CPPED1: variants seen among roughly 807,000 people sequenced by gnomAD.
CPPED1 encodes calcineurin like phosphoesterase domain containing 1.
In CPPED1, 28 loss-of-function variants were observed where a neutral mutation model predicts 28.0. The observed-to-expected ratio is 1.00, with a 90% CI of 0.74 to 1.37. The LOEUF is 1.37. CPPED1 is among the 40% of genes most tolerant of loss of function. The pLI, the probability that CPPED1 is intolerant of heterozygous loss-of-function variation, is 0.00. For synonymous variants in CPPED1, 198 were observed against 180.2 expected (o/e 1.10, Z -0.79); for missense variants, 504 against 416.5 (o/e 1.21, Z -1.83).
At chr16:12,717,332 C>T (rs935770770) in intron 2 of CPPED1, among the ~76,000 whole-genome samples, 4 of 152,200 alleles carry the variant, frequency 2.6e-5, no homozygotes, top group East Asian at 1.9e-4. Flanking sequence ...GGCGCCATCT[C>T]GGCTCACTGC....
At chr16:12,680,708 G>C (rs1014348286) in intron 3 of CPPED1, among the ~76,000 whole-genome samples, 41 of 152,250 alleles carry the variant, frequency 2.7e-4, no homozygotes, top group African/African-American at 9.9e-4. Context: ...GTTACGGAGT[G>C]CCTAAGCCAA....
chr16:12,778,277 C>CTTTTTTTTTTTT (rs371883790), intron 2 of CPPED1, among the ~76,000 whole-genome samples: 2 of 116,162 alleles, frequency 1.7e-5, no homozygotes, highest in Admixed American at 9.2e-5. Context: ...TTCTTTCTTT[C>CTTTTTTTTTTTT]TTTTTTTTTT....
At chr16:12,740,704 T>C (rs908245058) in intron 2 of CPPED1, among the ~76,000 whole-genome samples, 1 of 152,020 alleles carries the variant, frequency 6.6e-6, no homozygotes, top group Admixed American at 6.6e-5. Flanking sequence ...CTTTCCTCAG[T>C]GGGTGATGAG....
rs543779229 is a variant in CPPED1 at position 12,763,444 on chromosome 16, T to C, written c.289+17741A>G. Among the ~76,000 whole-genome samples, 3 of 152,160 alleles carry C rather than the reference T, an allele frequency of 2.0e-5. No individual in the cohort carries two copies. In the South Asian group the frequency reaches 6.2e-4, roughly 32 times the overall value. On this transcript the variant is annotated intron_variant, in intron 2 of 3. Transcript: ENST00000381774. ...AGCAAATACACAAAAGACCAATGAA[T>C]GGAAATGGATGAGTGGCATGGTATG...
intron 3 of CPPED1, among the ~76,000 whole-genome samples, chr16:12,700,535 T>TGG (rs1353669996): frequency 6.6e-6 from 1 of 152,162 alleles, no homozygotes; most frequent in African/African-American, 2.4e-5. Context: ...GGATTACAGG[T>TGG]GGGCACCACC....
intron 1 of CPPED1, among the ~76,000 whole-genome samples, chr16:12,794,734 A>G (rs769742543): frequency 1.3e-5 from 2 of 152,212 alleles, no homozygotes; most frequent in Non-Finnish European, 2.9e-5. Context: ...GCATTTTGCA[A>G]TAGGGATGCT....
At chr16:12,769,499 G>C (rs545153200) in intron 2 of CPPED1, among the ~76,000 whole-genome samples, 1 of 152,242 alleles carries the variant, frequency 6.6e-6, no homozygotes, top group East Asian at 1.9e-4. Flanking sequence ...ATGCTGGCAG[G>C]GGTGGAAGGG....
intron 2 of CPPED1, among the ~76,000 whole-genome samples, chr16:12,758,845 G>T (rs1318473560): frequency 6.6e-6 from 1 of 152,060 alleles, no homozygotes; most frequent in Non-Finnish European, 1.5e-5. Context: ...TGATGATGAT[G>T]ATGACAGCAA....
intron 1 of CPPED1, among the ~76,000 whole-genome samples, chr16:12,788,755 C>T (rs544886238): frequency 6.6e-6 from 1 of 152,342 alleles, no homozygotes; most frequent in Admixed American, 6.5e-5. Flanking sequence ...AAGTTATCCA[C>T]CTCAATACTG....
chr16:12,680,648 A>C (rs185736954), intron 3 of CPPED1, among the ~76,000 whole-genome samples: 1 of 152,260 alleles, frequency 6.6e-6, no homozygotes, highest in East Asian at 1.9e-4. Context: ...GGAGAAGCCC[A>C]ACTACTCCTG....
intron 1 of CPPED1, among the ~76,000 whole-genome samples, chr16:12,794,417 A>G (rs1345267741): frequency 6.6e-6 from 1 of 151,914 alleles, no homozygotes; most frequent in Admixed American, 6.6e-5. Context: ...CAGTTGTTAA[A>G]GGAAAAAAAA....
intron 3 of CPPED1, among the ~76,000 whole-genome samples, chr16:12,672,427 G>A (rs2079857129): frequency 1.3e-5 from 2 of 152,204 alleles, no homozygotes; most frequent in South Asian, 4.1e-4. Flanking sequence ...ATGACATTAT[G>A]CGCATTTTTT....
chr16:12,684,377 G>A (rs1172155355), intron 3 of CPPED1, among the ~76,000 whole-genome samples: 1 of 152,060 alleles, frequency 6.6e-6, no homozygotes, highest in Non-Finnish European at 1.5e-5. Flanking sequence ...AACCACTTGG[G>A]CCACTTCGTC....
intron 2 of CPPED1, among the ~76,000 whole-genome samples, chr16:12,772,814 C>G (rs1173530550): frequency 6.6e-6 from 1 of 152,188 alleles, no homozygotes; most frequent in African/African-American, 2.4e-5. Flanking sequence ...TAGGCCAGAT[C>G]TCATTTGAAA....
At chr16:12,667,630 A>G (rs1005577062) in intron 3 of CPPED1, among the ~76,000 whole-genome samples, 25 of 152,290 alleles carry the variant, frequency 1.6e-4, no homozygotes, top group African/African-American at 5.5e-4. Context: ...CTAGACATCA[A>G]TCAAAGAGGA....
intron 2 of CPPED1, among the ~76,000 whole-genome samples, chr16:12,720,867 T>C (rs2080136360): frequency 6.6e-6 from 1 of 152,226 alleles, no homozygotes; most frequent in Non-Finnish European, 1.5e-5. Context: ...AGGATAAAAA[T>C]CCCATGCCCA....
In CPPED1 at chr16:12,749,927, A is replaced by C. The variant is rs573497848; in HGVS notation, c.289+31258T>G. Among the ~76,000 whole-genome samples, 5 of 152,300 alleles carry C rather than the reference A, an allele frequency of 3.3e-5. No homozygotes were observed. The South Asian group carries it at 1.0e-3, about 32-fold the overall frequency. ...TTCTTAATGGCATCTAGAATGGTGAATCCTTTCCAGAAGGTTTTCAGTTTA... is the reference window on the plus strand; with the variant it reads ...TTCTTAATGGCATCTAGAATGGTGACTCCTTTCCAGAAGGTTTTCAGTTTA... On this transcript the variant is annotated intron_variant, in intron 2 of 3. Transcript: ENST00000381774.
At chr16:12,790,055 T>C (rs1189927678) in intron 1 of CPPED1, among the ~76,000 whole-genome samples, 2 of 152,220 alleles carry the variant, frequency 1.3e-5, no homozygotes, top group Admixed American at 1.3e-4. Flanking sequence ...CAGAAAGGCC[T>C]GTAGGTTTTC....
intron 2 of CPPED1, among the ~76,000 whole-genome samples, chr16:12,745,334 G>T (rs1234534933): frequency 6.6e-6 from 1 of 152,122 alleles, no homozygotes; most frequent in Non-Finnish European, 1.5e-5. Flanking sequence ...ATACCCAGAG[G>T]AATATAAAGC....
Sources: gnomAD v4.1 joint callset for allele counts (sites outside exome capture counted in the v4.1 genomes callset) on GRCh38, gnomAD v4.1.1 for gene constraint, MANE v1.5 for transcripts, NCBI Gene and HGNC (gene_info 2026-07-23, HGNC 2026-07-21) for gene names.